Variants in ARID1B observed in about 807,000 individuals in gnomAD.
ARID1B encodes the protein AT-rich interaction domain 1B, also known as AT-rich interactive domain-containing protein 1B.
A neutral mutation model predicts 212.3 loss-of-function variants in ARID1B; 30 were observed. That is an observed-to-expected ratio of 0.14 (90% CI 0.11 to 0.19). The LOEUF (loss-of-function observed/expected upper bound fraction) is 0.19, where lower values mean the gene tolerates loss of function less well. Ranked by LOEUF, ARID1B falls within the 10% of genes least tolerant of loss-of-function variation. The pLI is 1.00. For missense variants in ARID1B, 2,891 were observed against 3,204.0 expected (o/e 0.90, Z 2.36); for synonymous variants, 1,402 against 1,301.7 (o/e 1.08, Z -1.66).
chr6:157,162,659 T>C (rs1791020325), intron 8 of ARID1B, among the ~76,000 whole-genome samples: 1 of 152,230 alleles, frequency 6.6e-6, no homozygotes, highest in Admixed American at 6.5e-5. Context: ...CTTCTGGTTA[T>C]TCCGCAGGTC....
intron 5 of ARID1B, among the ~76,000 whole-genome samples, chr6:157,102,855 C>T (rs993867665): frequency 3.9e-5 from 6 of 152,066 alleles, no homozygotes; most frequent in Non-Finnish European, 8.8e-5. Flanking sequence ...CCTCAGCCTC[C>T]CAAAGTGCTG....
chr6:157,205,302 C>T (rs1794362663), intron 19 of ARID1B: 1 of 152,238 alleles, frequency 6.6e-6, no homozygotes, highest in Non-Finnish European at 1.5e-5. Flanking sequence ...ATTTCCAGAA[C>T]ATCTACCGGG....
At chr6:157,042,687 C>A (rs1225352222) in intron 4 of ARID1B, among the ~76,000 whole-genome samples, 1 of 144,852 alleles carries the variant, frequency 6.9e-6, no homozygotes, top group Non-Finnish European at 1.5e-5. Flanking sequence ...GAGACAGAGT[C>A]TCACTGTGTC....
At position 157,206,574 on chromosome 6, in the gene ARID1B, G is replaced by A. The variant is rs1725709287; in HGVS notation, c.5802G>A (p.Glu1934=). The part of the protein sequence containing the change: ...DRSDKLGRVQ[E]FNSGLLHWQL... ...CTGACAAGTTGGGGCGTGTGCAGGA[G>A]TTCAATAGTGGCCTTCTGCACTGGC... is the stretch of plus-strand genomic sequence containing the variant. Residue 1934 remains glutamate, a synonymous_variant, in exon 20 of 20, where the codon GAG becomes GAA. Transcript: ENST00000636930. The surrounding 1 kb of genome is among the most constrained non-coding windows in gnomAD (Gnocchi z 6.8). The A allele has an allele frequency of 6.2e-7, 1 of 1,614,150 alleles. No homozygotes were observed. Among genetic ancestry groups the A allele is most frequent in the African/African-American group, 1.3e-5 (1 of 75,026 alleles).
intron 2 of ARID1B, among the ~76,000 whole-genome samples, chr6:156,882,053 A>AT (rs1787142009): frequency 6.6e-6 from 1 of 152,220 alleles, no homozygotes; most frequent in Non-Finnish European, 1.5e-5. Flanking sequence ...GGCCCTGGGA[A>AT]TTAATAAAAT....
intron 6 of ARID1B, among the ~76,000 whole-genome samples, chr6:157,120,051 A>G (rs1257536384): frequency 6.6e-6 from 1 of 152,262 alleles, no homozygotes; most frequent in Non-Finnish European, 1.5e-5. Flanking sequence ...AGTAAATGTA[A>G]GATCAGGTTC....
intron 6 of ARID1B, among the ~76,000 whole-genome samples, chr6:157,127,343 C>T (rs1228795220): frequency 6.6e-6 from 1 of 152,104 alleles, no homozygotes; most frequent in Non-Finnish European, 1.5e-5. Flanking sequence ...TGTCCTGTAC[C>T]CTTGTTTGAA....
In ARID1B at chr6:156,921,401, G is replaced by A. The variant is rs1244417828; in HGVS notation, c.2137-14065G>A. On this transcript the variant is annotated intron_variant, in intron 3 of 19. Coordinates refer to ENST00000636930, the MANE Select transcript of ARID1B (RefSeq NM_001374828.1). ...AAATGGAAATTTGACTGTTTAAAAG[G>A]TAAAAAGTCTTCTACAGTAATAGCA... Among the ~76,000 whole-genome samples the A allele has an allele frequency of 3.5e-5, 5 of 142,550 alleles. No individual in the cohort carries two copies. In the South Asian group the frequency reaches 1.1e-3, roughly 32 times the overall value. 93.5% of individuals were successfully genotyped at this position (142,550 alleles called of 152,430 possible).
chr6:157,168,290 G>C (rs1476515202), intron 9 of ARID1B: 1 of 152,198 alleles, frequency 6.6e-6, no homozygotes, highest in African/African-American at 2.4e-5. Context: ...TATGAAAGAG[G>C]AACACATAGA....
At chr6:156,913,030 T>G (rs1790024586) in intron 3 of ARID1B, among the ~76,000 whole-genome samples, 1 of 151,864 alleles carries the variant, frequency 6.6e-6, no homozygotes. Flanking sequence ...TCTTTTTTTT[T>G]TTTTTCACTT....
rs74758739 is a variant in ARID1B at position 156,963,697 on chromosome 6, T to G, written c.2247+28121T>G. On this transcript the variant is annotated intron_variant, in intron 4 of 19. Transcript: ENST00000636930. ...CATAAAATCAAAACCATGGAAGAGT[T>G]TGTTTGTTTTGTAATCAAATAAATC... Among the ~76,000 whole-genome samples the G allele has an allele frequency of 8.5e-3, 1,290 of 151,036 alleles. 23 individuals are homozygous for G. Among genetic ancestry groups the G allele is most frequent in the African/African-American group, 0.031 (1,245 of 40,350 alleles).
chr6:157,116,925 G>A (rs1787354465), intron 6 of ARID1B, among the ~76,000 whole-genome samples: 1 of 152,088 alleles, frequency 6.6e-6, no homozygotes, highest in South Asian at 2.1e-4. Context: ...TGGGCGAGTT[G>A]TGTATTTTCT....
At position 157,131,306 on chromosome 6, in the gene ARID1B, T is replaced by C. The variant is rs1030733491; in HGVS notation, c.2582-1722T>C. Among the ~76,000 whole-genome samples the C allele has an allele frequency of 5.3e-5, 8 of 152,178 alleles. No homozygotes were observed. In the South Asian group the frequency reaches 1.5e-3, roughly 28 times the overall value. On this transcript the variant is annotated intron_variant, in intron 6 of 19. Transcript: ENST00000636930. ...CTAATGTTTTAGTGGGGAAGAGAGA[T>C]GATAAGTGAGTCAAAATAAAATAAA... is the stretch of plus-strand genomic sequence containing the variant.
chr6:156,964,812 T>C (rs1794632306), intron 4 of ARID1B, among the ~76,000 whole-genome samples: 1 of 152,196 alleles, frequency 6.6e-6, no homozygotes, highest in Non-Finnish European at 1.5e-5. Flanking sequence ...TTTGAGATAT[T>C]TGGGGGAGAA....
chr6:157,048,906 G>C (rs1320486131), intron 4 of ARID1B, among the ~76,000 whole-genome samples: 4 of 152,214 alleles, frequency 2.6e-5, no homozygotes, highest in Admixed American at 2.6e-4. Context: ...AGGCGCAGTG[G>C]CTCACGCCTG....
chr6:157,021,532 A>C (rs1780261338), intron 4 of ARID1B, among the ~76,000 whole-genome samples: 1 of 152,104 alleles, frequency 6.6e-6, no homozygotes, highest in Admixed American at 6.5e-5. Flanking sequence ...CCTACCCCGC[A>C]CGTAGGCTCG....
chr6:157,142,929 A>G (rs1789480494), intron 7 of ARID1B, among the ~76,000 whole-genome samples: 1 of 152,228 alleles, frequency 6.6e-6, no homozygotes, highest in African/African-American at 2.4e-5. Flanking sequence ...AATTTCGTAT[A>G]TGAGTGGAAA....
intron 8 of ARID1B, among the ~76,000 whole-genome samples, chr6:157,162,951 C>T (rs554165070): frequency 6.6e-6 from 1 of 152,298 alleles, no homozygotes; most frequent in Non-Finnish European, 1.5e-5. Context: ...AGACATGAAG[C>T]CCGCAGGCCC....
intron 11 of ARID1B, among the ~76,000 whole-genome samples, chr6:157,178,987 A>T (rs1014486430): frequency 6.6e-6 from 1 of 152,198 alleles, no homozygotes; most frequent in Non-Finnish European, 1.5e-5. Flanking sequence ...AATTGAAATG[A>T]TTGCCTTTAT....
Sources: allele counts gnomAD v4.1 joint callset (sites outside exome capture counted in the v4.1 genomes callset), GRCh38; gene constraint gnomAD v4.1.1; non-coding constraint Gnocchi (gnomAD v3.1); transcripts MANE v1.5; gene names NCBI Gene and HGNC (gene_info 2026-07-23, HGNC 2026-07-21).